The following OR4M1 variants were observed in gnomAD, a reference collection of about 807,000 sequenced individuals.
OR4M1 encodes the protein olfactory receptor 4M1.
In OR4M1, 7 loss-of-function variants were observed where a neutral mutation model predicts 9.8. That is an observed-to-expected ratio of 0.71 (90% CI 0.41 to 1.34). The LOEUF is 1.34. OR4M1 is among the 40% of genes most tolerant of loss of function. OR4M1 has a pLI of 0.01. For synonymous variants in OR4M1, 121 were observed against 139.8 expected (o/e 0.87, Z 0.95); for missense variants, 331 against 380.4 (o/e 0.87, Z 1.08).
chr14:19,777,307 C>T (rs1029925742), intron 1 of OR4M1, among the ~76,000 whole-genome samples: 6 of 151,592 alleles, frequency 4.0e-5, no homozygotes, highest in African/African-American at 1.5e-4. Context: ...TGACACAAGG[C>T]CTTTTCATTT....
Position 19,780,879 on chromosome 14 carries a change from G to A in OR4M1, c.557G>A (p.Arg186Gln), listed in dbSNP as rs751115160. The change falls in exon 2 of 2, where the codon CGG becomes CAG. Residue 186 changes from arginine (R) to glutamine (Q), a missense_variant. Physicochemically the swap from Arg to Gln is conservative, Grantham distance 43. Coordinates refer to ENST00000641200, the MANE Select transcript of OR4M1 (RefSeq NM_001005500.2). ...TTCTGTGACATCACACAGGTTGTCC[G>A]GATTGCCTGTGCCAACACCTTCCCA... The part of the protein sequence containing the change: ...SYFCDITQVV[R>Q]IACANTFPEE... 46 of 1,614,044 alleles carry A rather than the reference G, an allele frequency of 2.8e-5. No homozygotes were observed. Among genetic ancestry groups the A allele is most frequent in the Middle Eastern group, 1.6e-4 (1 of 6,082 alleles).
intron 1 of OR4M1, among the ~76,000 whole-genome samples, chr14:19,776,005 G>C (rs960087405): frequency 1.3e-5 from 2 of 152,018 alleles, no homozygotes; most frequent in Non-Finnish European, 2.9e-5. Flanking sequence ...TGACACTCGA[G>C]GTCCCTGGGT....
chr14:19,779,756 G>C (rs1394551448), intron 1 of OR4M1, among the ~76,000 whole-genome samples: 1 of 152,216 alleles, frequency 6.6e-6, no homozygotes, highest in African/African-American at 2.4e-5. Flanking sequence ...ACAGGTTTTG[G>C]TTACGCTTAT....
chr14:19,774,219 T>A (rs1878246462), intron 1 of OR4M1, among the ~76,000 whole-genome samples: 1 of 152,230 alleles, frequency 6.6e-6, no homozygotes, highest in Non-Finnish European at 1.5e-5. Flanking sequence ...ATATGTATTT[T>A]AACAAAAAGG....
At chr14:19,777,540 T>C (rs1295947564) in intron 1 of OR4M1, among the ~76,000 whole-genome samples, 1 of 152,188 alleles carries the variant, frequency 6.6e-6, no homozygotes, top group Non-Finnish European at 1.5e-5. Context: ...GCTTGTTTAC[T>C]TATTTATTGT....
At position 19,780,422 on chromosome 14, in the gene OR4M1, T is replaced by A; in HGVS notation, c.100T>A (p.Phe34Ile). The change falls in exon 2 of 2, where the codon TTC becomes ATC. Residue 34 changes from phenylalanine (F) to isoleucine (I), a missense_variant. Physicochemically the swap from Phe to Ile is conservative, Grantham distance 21. Around this residue, in one of 2 missense-constraint regions of OR4M1, gnomAD observed 209 missense variants for 200.0 expected, o/e 1.04. Coordinates refer to ENST00000641200, the MANE Select transcript of OR4M1 (RefSeq NM_001005500.2). ...QLVLFVIFLS[F>I]YLFILPGNIL... is the part of the protein sequence containing the mutation. ...AGTCCTATTTGTTATATTTCTATCC[T>A]TCTATTTGTTCATCCTACCAGGAAA... is the stretch of plus-strand genomic sequence containing the variant. The A allele has an allele frequency of 1.2e-6, 2 of 1,614,152 alleles. No homozygotes were observed. The highest frequency in any genetic ancestry group is 1.7e-6 in the Non-Finnish European group (2 of 1,179,990).
intron 1 of OR4M1, among the ~76,000 whole-genome samples, chr14:19,779,120 G>A (rs898655548): frequency 5.3e-5 from 8 of 152,188 alleles, no homozygotes; most frequent in Admixed American, 3.9e-4. Context: ...TTAAAATTAT[G>A]TATAAATTGA....
chr14:19,782,098 T>A lies in OR4M1; in HGVS notation c.*834T>A, dbSNP rs1878517586. 6.6e-6 allele frequency: 1 copy of A among 152,296 alleles called. No individual in the cohort carries two copies. Among genetic ancestry groups the A allele is most frequent in the Non-Finnish European group, 1.5e-5 (1 of 68,084 alleles). The allele number at this position is 152,296 out of a possible 1,614,324, so 9.4% of individuals were successfully genotyped here. ...TGTAGTTTTTTTCTAAACTATCATC[T>A]CCTTTGCCACTTTTGTATGTTTTCC... On this transcript the variant is annotated 3_prime_UTR_variant, in exon 2 of 2. Transcript: ENST00000641200.
rs1878523872 is a variant in OR4M1, at chr14:19,782,281, A to C, written c.*1017A>C. The stretch of plus-strand genomic sequence containing the variant: ...AGGGACTGATTTCCTATTTTCAAGC[A>C]CTAAAAACTCACTCTCCAAGCTTCT... On this transcript the variant is annotated 3_prime_UTR_variant, in exon 2 of 2. Transcript: ENST00000641200. The C allele has an allele frequency of 6.6e-6, 1 of 152,252 alleles. No individual in the cohort carries two copies. 9.4% of individuals were successfully genotyped at this position (152,252 alleles called of 1,614,324 possible).
intron 1 of OR4M1, among the ~76,000 whole-genome samples, chr14:19,774,265 G>A (rs1878247330): frequency 6.6e-6 from 1 of 152,240 alleles, no homozygotes; most frequent in Admixed American, 6.5e-5. Context: ...ATGTAACAGG[G>A]TAGGGAAAGA....
chr14:19,775,715 T>C (rs1878291664), intron 1 of OR4M1, among the ~76,000 whole-genome samples: 1 of 147,476 alleles, frequency 6.8e-6, no homozygotes. Flanking sequence ...TAAAATATTT[T>C]AATATACTTT....
intron 1 of OR4M1, among the ~76,000 whole-genome samples, chr14:19,779,830 A>G (rs549206615): frequency 6.6e-6 from 1 of 152,248 alleles, no homozygotes; most frequent in Non-Finnish European, 1.5e-5. Context: ...CACAACTAAA[A>G]TACTGCTAGA....
intron 1 of OR4M1, among the ~76,000 whole-genome samples, chr14:19,777,760 T>C (rs763238881): frequency 6.6e-6 from 1 of 152,240 alleles, no homozygotes; most frequent in Non-Finnish European, 1.5e-5. Flanking sequence ...ATGCATTAAA[T>C]GACAAGTGCT....
chr14:19,780,211 A>C lies in OR4M1; in HGVS notation c.-29-83A>C, dbSNP rs1212779839. 7 of 1,220,158 alleles carry C rather than the reference A, an allele frequency of 5.7e-6. No homozygotes were observed. The Admixed American group carries it at 1.8e-4, about 31-fold the overall frequency. 75.6% of individuals were successfully genotyped at this position (1,220,158 alleles called of 1,614,324 possible). ...CCTCATGTAATCTGTTAGTGACAGA[A>C]AACGTATGACAATTTTGAAAGCAGT... is the stretch of plus-strand genomic sequence containing the variant. On this transcript the variant is annotated intron_variant, in intron 1 of 1. Coordinates refer to ENST00000641200, the MANE Select transcript of OR4M1 (RefSeq NM_001005500.2).
chr14:19,773,796 C>G (rs993672864), intron 1 of OR4M1, among the ~76,000 whole-genome samples: 4 of 152,218 alleles, frequency 2.6e-5, no homozygotes, highest in Non-Finnish European at 5.9e-5. Flanking sequence ...CAAATTGTTT[C>G]TTCTCGGCCT....
rs1235065943 is a variant in OR4M1, at chr14:19,783,148, T to C, written c.*1884T>C. The C allele has an allele frequency of 6.6e-6, 1 of 152,292 alleles. No individual in the cohort carries two copies. Among genetic ancestry groups the C allele is most frequent in the African/African-American group, 2.4e-5 (1 of 41,472 alleles). 9.4% of individuals were successfully genotyped at this position (152,292 alleles called of 1,614,324 possible). On this transcript the variant is annotated 3_prime_UTR_variant, in exon 2 of 2. Coordinates refer to ENST00000641200, the MANE Select transcript of OR4M1 (RefSeq NM_001005500.2). Reference sequence around the variant, plus strand: ...ACTAATTGCTTACTTGGGAATATTATCTGAAATTAGAAACTAATATCAATG... The same window carrying C: ...ACTAATTGCTTACTTGGGAATATTACCTGAAATTAGAAACTAATATCAATG...
intron 1 of OR4M1, among the ~76,000 whole-genome samples, chr14:19,775,830 A>G (rs951397863): frequency 4.7e-5 from 7 of 147,562 alleles, no homozygotes; most frequent in African/African-American, 1.7e-4. Context: ...AAAGTATATT[A>G]AAAGAGAAAT....
At position 19,780,896 on chromosome 14, in the gene OR4M1, A is replaced by C. The variant is rs767543826; in HGVS notation, c.574A>C (p.Thr192Pro). 6.2e-7 allele frequency: 1 copy of C among 1,613,970 alleles called. No homozygotes were observed. Among genetic ancestry groups the C allele is most frequent in the African/African-American group, 1.3e-5 (1 of 74,906 alleles). The change falls in exon 2 of 2, where the codon ACC becomes CCC. Residue 192 changes from threonine to proline, a missense_variant. Physicochemically the swap from Thr to Pro is conservative, Grantham distance 38. Coordinates refer to ENST00000641200, the MANE Select transcript of OR4M1 (RefSeq NM_001005500.2). ...TQVVRIACAN[T>P]FPEELVMICS... ...GGTTGTCCGGATTGCCTGTGCCAACACCTTCCCAGAGGAGTTAGTGATGAT... is the reference window on the plus strand; with the variant it reads ...GGTTGTCCGGATTGCCTGTGCCAACCCCTTCCCAGAGGAGTTAGTGATGAT...
chr14:19,777,943 T>A (rs962690343), intron 1 of OR4M1, among the ~76,000 whole-genome samples: 12 of 152,140 alleles, frequency 7.9e-5, no homozygotes, highest in African/African-American at 2.6e-4. Context: ...GAGTAGGGAG[T>A]TTGATTGGCT....
Sources: gnomAD v4.1 joint callset for allele counts (sites outside exome capture counted in the v4.1 genomes callset) on GRCh38, gnomAD v4.1.1 for gene constraint, gnomAD v4.1.1 regional missense constraint, MANE v1.5 for transcripts, NCBI Gene and HGNC (gene_info 2026-07-23, HGNC 2026-07-21) for gene names.